The following SLC25A21 variants were observed in gnomAD, a reference collection of about 807,000 sequenced individuals.
SLC25A21 encodes the protein mitochondrial 2-oxodicarboxylate carrier.
A neutral mutation model predicts 43.8 loss-of-function variants in SLC25A21; 47 were observed. The ratio of observed to expected loss-of-function variants is 1.07; its 90% CI spans 0.85 to 1.37. The LOEUF (loss-of-function observed/expected upper bound fraction) is 1.37. Ranked by LOEUF, SLC25A21 falls within the 40% of genes most tolerant of loss-of-function variation. SLC25A21 has a pLI of 0.00. For synonymous variants in SLC25A21, 131 were observed against 121.3 expected (o/e 1.08, Z -0.52); for missense variants, 352 against 350.2 (o/e 1.00, Z -0.04).
In SLC25A21 at chr14:36,789,815, A is replaced by ATTTTATATATTTATATT. The variant is rs1361593788; in HGVS notation, c.203+24102_203+24103insAATATAAATATATAAAA. 1.2e-4 allele frequency among the ~76,000 whole-genome samples: 10 copies of ATTTTATATATTTATATT among 83,602 alleles called. 1 individual carries two copies. The highest frequency in any genetic ancestry group is 4.8e-4 in the African/African-American group (10 of 20,842). 54.8% of individuals were successfully genotyped at this position (83,602 alleles called of 152,430 possible). The stretch of plus-strand genomic sequence containing the variant: ...ATATAATATATTTTATATATTATAT[A>ATTTTATATATTTATATT]TAATATATTTTATATATTTATATTT... On this transcript the variant is annotated intron_variant, in intron 3 of 9. Transcript: ENST00000331299.
intron 4 of SLC25A21, among the ~76,000 whole-genome samples, chr14:36,731,073 C>T (rs571537572): frequency 1.3e-5 from 2 of 151,472 alleles, no homozygotes; most frequent in East Asian, 2.0e-4. Context: ...CCCGGGTTCA[C>T]GCCATTCTCC....
At chr14:36,710,979 G>A (rs545217598) in intron 7 of SLC25A21, among the ~76,000 whole-genome samples, 29 of 152,270 alleles carry the variant, frequency 1.9e-4, no homozygotes, top group Admixed American at 4.6e-4. Context: ...TAAAAATTAA[G>A]TAATAACATA....
intron 1 of SLC25A21, among the ~76,000 whole-genome samples, chr14:37,154,546 T>G (rs1963813924): frequency 6.6e-6 from 1 of 151,500 alleles, no homozygotes; most frequent in Non-Finnish European, 1.5e-5. Context: ...ATTTTCAAAA[T>G]CCCAGTATAA....
At chr14:37,044,634 C>T (rs1961549191) in intron 1 of SLC25A21, among the ~76,000 whole-genome samples, 1 of 152,076 alleles carries the variant, frequency 6.6e-6, no homozygotes, top group Admixed American at 6.5e-5. Flanking sequence ...GTTTTACAAA[C>T]CTGAATTTTG....
chr14:36,762,583 A>G (rs1886201686), intron 3 of SLC25A21, among the ~76,000 whole-genome samples: 2 of 152,250 alleles, frequency 1.3e-5, no homozygotes, highest in Non-Finnish European at 1.5e-5. Context: ...GTTTGAAAAT[A>G]TAAACTGTCA....
At chr14:36,834,084 G>C (rs1052613184) in intron 2 of SLC25A21, among the ~76,000 whole-genome samples, 2 of 152,134 alleles carry the variant, frequency 1.3e-5, no homozygotes. Context: ...ATAAGTGAAG[G>C]TGTGGATTAA....
In SLC25A21 at chr14:36,987,076, C is replaced by T. The variant is rs552067350; in HGVS notation, c.71-112072G>A. 1.4e-4 allele frequency among the ~76,000 whole-genome samples: 21 copies of T among 152,208 alleles called. 1 individual carries two copies. The South Asian group carries it at 4.1e-3, about 30-fold the overall frequency. On this transcript the variant is annotated intron_variant, in intron 1 of 9. Coordinates refer to ENST00000331299, the MANE Select transcript of SLC25A21 (RefSeq NM_030631.4). Reference sequence around the variant, plus strand: ...GAGAAATTATTGGCCAGCACTCTGACTTTGTTCCTATCAGAAGGTAGGAAT... The same window carrying T: ...GAGAAATTATTGGCCAGCACTCTGATTTTGTTCCTATCAGAAGGTAGGAAT...
intron 1 of SLC25A21, among the ~76,000 whole-genome samples, chr14:37,014,228 A>G (rs1370744152): frequency 6.6e-6 from 1 of 151,950 alleles, no homozygotes; most frequent in Non-Finnish European, 1.5e-5. Context: ...TTTTCTATAG[A>G]TTTTTCTATT....
At chr14:36,916,969 T>C (rs1014198282) in intron 1 of SLC25A21, among the ~76,000 whole-genome samples, 1 of 152,140 alleles carries the variant, frequency 6.6e-6, no homozygotes, top group Non-Finnish European at 1.5e-5. Context: ...CCTTGCTCTT[T>C]CATTCAAGCA....
In SLC25A21 at chr14:36,679,757, T is replaced by A; in HGVS notation, c.*901A>T. ...AAATGGCACAGGTAGGCATGCTGAA[T>A]AAAGGTATTTGGATGCAAATACTGA... On this transcript the variant is annotated 3_prime_UTR_variant, in exon 10 of 10. Coordinates refer to ENST00000331299, the MANE Select transcript of SLC25A21 (RefSeq NM_030631.4). 2 of 985,108 alleles carry A rather than the reference T, an allele frequency of 2.0e-6. No homozygotes were observed. The highest frequency in any genetic ancestry group is 2.4e-6 in the Non-Finnish European group (2 of 829,792). The allele number at this position is 985,108 out of a possible 1,614,324, so 61.0% of individuals were successfully genotyped here.
At chr14:36,981,715 C>A (rs1174561584) in intron 1 of SLC25A21, among the ~76,000 whole-genome samples, 1 of 152,088 alleles carries the variant, frequency 6.6e-6, no homozygotes, top group Non-Finnish European at 1.5e-5. Context: ...GGAGGGATAG[C>A]ATTAGGAGAT....
At chr14:36,783,037 C>T (rs1178948623) in intron 3 of SLC25A21, among the ~76,000 whole-genome samples, 1 of 151,690 alleles carries the variant, frequency 6.6e-6, no homozygotes, top group Non-Finnish European at 1.5e-5. Flanking sequence ...TGCATGCCTT[C>T]CCTTGATCCT....
chr14:36,909,323 G>A (rs935536073), intron 1 of SLC25A21, among the ~76,000 whole-genome samples: 3 of 148,584 alleles, frequency 2.0e-5, no homozygotes, highest in African/African-American at 7.7e-5. Context: ...GGGTAAGTCT[G>A]AAAGTGAGAA....
intron 1 of SLC25A21, among the ~76,000 whole-genome samples, chr14:36,939,882 C>A (rs1427811662): frequency 1.3e-5 from 2 of 152,116 alleles, no homozygotes; most frequent in African/African-American, 2.4e-5. Context: ...TGTGAACTCA[C>A]AGAAATAAGA....
intron 3 of SLC25A21, among the ~76,000 whole-genome samples, chr14:36,779,183 T>TTATATATAATA (rs1886942554): frequency 6.8e-6 from 1 of 147,204 alleles, no homozygotes; most frequent in Non-Finnish European, 1.5e-5. Context: ...ATAATATTCT[T>TTATATATAATA]TATATATAAT....
intron 3 of SLC25A21, among the ~76,000 whole-genome samples, chr14:36,759,966 A>G (rs1456239050): frequency 1.3e-5 from 2 of 149,082 alleles, no homozygotes; most frequent in African/African-American, 4.9e-5. Context: ...GACTCCATCT[A>G]AAAAAAAAAT....
intron 1 of SLC25A21, among the ~76,000 whole-genome samples, chr14:37,098,951 C>T (rs555099930): frequency 6.6e-6 from 1 of 151,908 alleles, no homozygotes; most frequent in East Asian, 1.9e-4. Flanking sequence ...TACAGGCATG[C>T]ACAACTGCAC....
intron 3 of SLC25A21, among the ~76,000 whole-genome samples, chr14:36,779,130 G>A (rs906560199): frequency 2.0e-5 from 3 of 149,640 alleles, no homozygotes; most frequent in Non-Finnish European, 4.4e-5. Context: ...CATCTATGTT[G>A]TTGCAAATGG....
At chr14:36,847,307 T>C (rs776419242) in intron 2 of SLC25A21, among the ~76,000 whole-genome samples, 3 of 152,192 alleles carry the variant, frequency 2.0e-5, no homozygotes, top group African/African-American at 7.2e-5. Flanking sequence ...TCCATTAAAA[T>C]ACCCAGCCAT....
Sources: allele counts gnomAD v4.1 joint callset (sites outside exome capture counted in the v4.1 genomes callset), GRCh38; gene constraint gnomAD v4.1.1; transcripts MANE v1.5; gene names NCBI Gene and HGNC (gene_info 2026-07-23, HGNC 2026-07-21).